The following FOXJ3 variants were observed in gnomAD, a reference collection of about 807,000 sequenced individuals.
FOXJ3 encodes the protein forkhead box protein J3.
In FOXJ3, 22 loss-of-function variants were observed where a neutral mutation model predicts 76.1. The ratio of observed to expected loss-of-function variants is 0.29; its 90% CI spans 0.21 to 0.41. The LOEUF is 0.41. FOXJ3 is among the 10% of genes least tolerant of loss of function. FOXJ3 has a pLI of 1.00. For synonymous variants in FOXJ3, 269 were observed against 261.2 expected (o/e 1.03, Z -0.29); for missense variants, 613 against 762.1 (o/e 0.80, Z 2.30).
At chr1:42,220,647 C>T (rs1647163797) in intron 5 of FOXJ3, among the ~76,000 whole-genome samples, 2 of 152,154 alleles carry the variant, frequency 1.3e-5, no homozygotes, top group Non-Finnish European at 2.9e-5. Flanking sequence ...GAAGGAAGAA[C>T]CGATGGATAA....
In FOXJ3 at chr1:42,225,121, A is replaced by G. The variant is rs557714414; in HGVS notation, c.528+2762T>C. On this transcript the variant is annotated intron_variant, in intron 5 of 12. Coordinates refer to ENST00000361346, the MANE Select transcript of FOXJ3 (RefSeq NM_014947.5). ...AAGAAAGCCTTCTCTGTTCCATCAA[A>G]AGCTCATCACTTCAAAATTAAAAAT... 9.8e-4 allele frequency among the ~76,000 whole-genome samples: 149 copies of G among 152,228 alleles called. 1 individual carries two copies. The highest frequency in any genetic ancestry group is 3.5e-3 in the African/African-American group (147 of 41,534).
chr1:42,261,296 T>C (rs1651017579), intron 4 of FOXJ3, among the ~76,000 whole-genome samples: 2 of 151,214 alleles, frequency 1.3e-5, no homozygotes, highest in Non-Finnish European at 2.9e-5. Context: ...GACTGCAGAA[T>C]GTATAGACAG....
At chr1:42,184,117 C>T (rs537750732) in intron 11 of FOXJ3, among the ~76,000 whole-genome samples, 2 of 152,236 alleles carry the variant, frequency 1.3e-5, no homozygotes, top group East Asian at 1.9e-4. Context: ...TTCACATGCA[C>T]GCCTAGTGTA....
chr1:42,220,651 T>C (rs1647164026), intron 5 of FOXJ3, among the ~76,000 whole-genome samples: 1 of 152,338 alleles, frequency 6.6e-6, no homozygotes, highest in South Asian at 2.1e-4. Context: ...GAAGAACCGA[T>C]GGATAAACAT....
At chr1:42,330,794 G>A (rs184510615) in intron 1 of FOXJ3, among the ~76,000 whole-genome samples, 1 of 152,262 alleles carries the variant, frequency 6.6e-6, no homozygotes, top group Non-Finnish European at 1.5e-5. Context: ...AGACCTACCT[G>A]CTCCACCAAT....
intron 3 of FOXJ3, among the ~76,000 whole-genome samples, chr1:42,275,971 A>G (rs74610975): frequency 0.018 from 2,688 of 152,354 alleles, 32 homozygotes; most frequent in Non-Finnish European, 0.028. Context: ...GAATGAATAA[A>G]AGGGACTAAA....
intron 4 of FOXJ3, among the ~76,000 whole-genome samples, chr1:42,247,370 G>C (rs546092302): frequency 6.6e-6 from 1 of 152,116 alleles, no homozygotes; most frequent in African/African-American, 2.4e-5. Flanking sequence ...GGAAATACTT[G>C]CAAATTATAT....
intron 11 of FOXJ3, among the ~76,000 whole-genome samples, chr1:42,187,094 C>T (rs1335431976): frequency 6.6e-6 from 1 of 152,276 alleles, no homozygotes; most frequent in Non-Finnish European, 1.5e-5. Context: ...GTGATCAGCC[C>T]GCCTCGGCCT....
intron 9 of FOXJ3, among the ~76,000 whole-genome samples, chr1:42,190,954 TC>T (rs1443835460): frequency 2.0e-5 from 3 of 152,228 alleles, no homozygotes; most frequent in Non-Finnish European, 1.5e-5. Flanking sequence ...CACAGTATGA[TC>T]TTAAGCAAAT....
intron 2 of FOXJ3, among the ~76,000 whole-genome samples, chr1:42,303,203 T>C (rs560509787): frequency 7.2e-5 from 11 of 152,330 alleles, no homozygotes; most frequent in Non-Finnish European, 1.6e-4. Flanking sequence ...TAAGGACCTA[T>C]GTATGAATCC....
intron 1 of FOXJ3, among the ~76,000 whole-genome samples, chr1:42,328,769 C>T (rs150082957): frequency 0.017 from 2,543 of 149,790 alleles, 70 homozygotes; most frequent in African/African-American, 0.06. Context: ...CAGGTTCAAG[C>T]GATTCTCCTG....
chr1:42,253,921 A>G, intron 4 of FOXJ3, among the ~76,000 whole-genome samples: 1 of 151,834 alleles, frequency 6.6e-6, no homozygotes, highest in Non-Finnish European at 1.5e-5. Flanking sequence ...TTCATGTCTA[A>G]AACACCAAAA....
chr1:42,308,960 G>A (rs893321591), intron 2 of FOXJ3, among the ~76,000 whole-genome samples: 5 of 123,946 alleles, frequency 4.0e-5, no homozygotes, highest in South Asian at 2.5e-4. Context: ...AAGTCTAATC[G>A]GTAGAAAGTG....
At chr1:42,323,902 T>C (rs1655578143) in intron 1 of FOXJ3, 1 of 153,124 alleles carries the variant, frequency 6.5e-6, no homozygotes, top group Admixed American at 6.6e-5. Flanking sequence ...ACCTTATAGC[T>C]ATGAGTGACC....
intron 2 of FOXJ3, among the ~76,000 whole-genome samples, chr1:42,294,406 T>TC (rs995435489): frequency 6.6e-6 from 1 of 152,068 alleles, no homozygotes; most frequent in Non-Finnish European, 1.5e-5. Context: ...CTAAATTTTC[T>TC]CCCCCAGGAT....
intron 1 of FOXJ3, among the ~76,000 whole-genome samples, chr1:42,329,264 C>T (rs1656017552): frequency 6.6e-6 from 1 of 152,214 alleles, no homozygotes; most frequent in Non-Finnish European, 1.5e-5. Context: ...AGTAATAATG[C>T]TCTGCTGATC....
intron 3 of FOXJ3, among the ~76,000 whole-genome samples, chr1:42,272,847 T>C (rs544711549): frequency 5.9e-4 from 90 of 152,328 alleles, no homozygotes; most frequent in African/African-American, 2.0e-3. Context: ...CATATATTCA[T>C]AGGATCTCCA....
intron 2 of FOXJ3, among the ~76,000 whole-genome samples, chr1:42,283,252 A>T (rs1286058104): frequency 1.3e-5 from 2 of 152,248 alleles, no homozygotes; most frequent in Admixed American, 1.3e-4. Flanking sequence ...TATGATGGTA[A>T]CTATTACTTA....
At chr1:42,223,644 T>C (rs1363070183) in intron 5 of FOXJ3, among the ~76,000 whole-genome samples, 1 of 152,260 alleles carries the variant, frequency 6.6e-6, no homozygotes, top group Non-Finnish European at 1.5e-5. Context: ...GCATTATGTA[T>C]TCTGAATCAC....
Sources: allele counts gnomAD v4.1 joint callset (sites outside exome capture counted in the v4.1 genomes callset), GRCh38; gene constraint gnomAD v4.1.1; transcripts MANE v1.5; gene names NCBI Gene and HGNC (gene_info 2026-07-23, HGNC 2026-07-21).